Variants in RNF152 observed in about 807,000 individuals in gnomAD.
RNF152 encodes E3 ubiquitin-protein ligase RNF152.
In RNF152, 11 loss-of-function variants were observed where a neutral mutation model predicts 12.7. The observed-to-expected ratio is 0.86, with a 90% CI of 0.54 to 1.43. The LOEUF is 1.43. Among genes scored for constraint, RNF152 ranks in the 40% most tolerant of loss-of-function variants. The pLI is 0.00. For missense variants in RNF152, 255 were observed against 274.8 expected, an observed-to-expected ratio of 0.93 and a Z score of 0.51; for synonymous variants, 113 against 120.3, an observed-to-expected ratio of 0.94 and a Z score of 0.40.
chr18:61,824,053 A>G (rs1909543034), intron 1 of RNF152, among the ~76,000 whole-genome samples: 1 of 152,202 alleles, frequency 6.6e-6, no homozygotes, highest in Non-Finnish European at 1.5e-5. Context: ...TGACCCCTCC[A>G]TGGTTTGATG....
Position 61,808,182 on chromosome 18 carries a change from T to C in RNF152, c.*7670A>G, listed in dbSNP as rs1388588097. On this transcript the variant is annotated 3_prime_UTR_variant, in exon 2 of 2. Transcript: ENST00000312828. Reference sequence around the variant, plus strand: ...ACCAGTTTGGCATACAAAAATACCATATATTAAAATTGGGTTCATTGGAAA... The same window carrying C: ...ACCAGTTTGGCATACAAAAATACCACATATTAAAATTGGGTTCATTGGAAA... 1 of 151,902 alleles carries C rather than the reference T, an allele frequency of 6.6e-6. No homozygotes were observed. The highest frequency in any genetic ancestry group is 1.5e-5 in the Non-Finnish European group (1 of 67,978). 9.4% of individuals were successfully genotyped at this position (151,902 alleles called of 1,614,324 possible). A position where few individuals can be genotyped will look rare whatever the true frequency, so the allele number is the denominator to read the frequency against.
intron 1 of RNF152, among the ~76,000 whole-genome samples, chr18:61,847,837 T>C (rs1334435912): frequency 6.6e-6 from 1 of 152,076 alleles, no homozygotes; most frequent in Non-Finnish European, 1.5e-5. Context: ...GCTTGGAATC[T>C]CTGCTCTCAA....
intron 1 of RNF152, among the ~76,000 whole-genome samples, chr18:61,859,438 G>A (rs749900888): frequency 2.6e-5 from 4 of 152,192 alleles, no homozygotes; most frequent in Non-Finnish European, 5.9e-5. Context: ...TAAGGGTTCC[G>A]GAGAGTCAGG....
chr18:61,868,494 A>C (rs1911839504), intron 1 of RNF152, among the ~76,000 whole-genome samples: 1 of 152,052 alleles, frequency 6.6e-6, no homozygotes, highest in Non-Finnish European at 1.5e-5. Context: ...GGATTACCCA[A>C]GAGTTTGAGA....
At chr18:61,863,237 A>G (rs1463314446) in intron 1 of RNF152, among the ~76,000 whole-genome samples, 1 of 152,102 alleles carries the variant, frequency 6.6e-6, no homozygotes, top group African/African-American at 2.4e-5. Context: ...GATCAAGACC[A>G]TCCTGGCTAA....
chr18:61,876,420 G>C (rs1241985401), intron 1 of RNF152, among the ~76,000 whole-genome samples: 1 of 152,122 alleles, frequency 6.6e-6, no homozygotes, highest in Non-Finnish European at 1.5e-5. Flanking sequence ...AAGAGCATTA[G>C]CTGACAATGA....
rs905098600 is a variant in RNF152 at position 61,813,910 on chromosome 18, G to A, written c.*1942C>T. 1 of 152,176 alleles carries A rather than the reference G, an allele frequency of 6.6e-6. No homozygotes were observed. 9.4% of individuals were successfully genotyped at this position (152,176 alleles called of 1,614,324 possible). On this transcript the variant is annotated 3_prime_UTR_variant, in exon 2 of 2. Coordinates refer to ENST00000312828, the MANE Select transcript of RNF152 (RefSeq NM_173557.3). ...CAACAGTATATTATGTTATGTAATA[G>A]AGGATAGTATTCAGCTAATATGACA... is the stretch of plus-strand genomic sequence containing the variant.
At chr18:61,836,727 T>TA (rs140349016) in intron 1 of RNF152, among the ~76,000 whole-genome samples, 40,334 of 150,100 alleles carry the variant, frequency 0.27, 6,102 homozygotes, top group Non-Finnish European at 0.35. Context: ...ACACTGAATT[T>TA]AAAAAAAAAA....
intron 1 of RNF152, among the ~76,000 whole-genome samples, chr18:61,844,120 A>AAGAAAGAAAGAAAGAAAG (rs1910620430): frequency 7.2e-6 from 1 of 138,210 alleles, no homozygotes; most frequent in Non-Finnish European, 1.6e-5. Context: ...GAAAGAAAGA[A>AAGAAAGAAAGAAAGAAAG]AGAAAGAAAG....
intron 1 of RNF152, among the ~76,000 whole-genome samples, chr18:61,831,928 G>A (rs1723801541): frequency 6.6e-6 from 1 of 151,804 alleles, no homozygotes; most frequent in South Asian, 2.1e-4. Context: ...TGTGTGGGGG[G>A]GTGTGGGTGT....
In RNF152 at chr18:61,813,437, G is replaced by C. The variant is rs1272391642; in HGVS notation, c.*2415C>G. ...TCACAAAAAAAATCTGATTTTGGTT[G>C]TTGTTGTTAAATTTAAGGTCAAGAA... On this transcript the variant is annotated 3_prime_UTR_variant, in exon 2 of 2. Transcript: ENST00000312828. 1 of 152,124 alleles carries C rather than the reference G, an allele frequency of 6.6e-6. No individual in the cohort carries two copies. The highest frequency in any genetic ancestry group is 1.9e-4 in the East Asian group (1 of 5,184). The allele number at this position is 152,124 out of a possible 1,614,324, so 9.4% of individuals were successfully genotyped here. A position where few individuals can be genotyped will look rare whatever the true frequency, so the allele number is the denominator to read the frequency against.
intron 1 of RNF152, among the ~76,000 whole-genome samples, chr18:61,859,418 A>G (rs1048055851): frequency 3.9e-5 from 6 of 152,168 alleles, no homozygotes; most frequent in African/African-American, 9.7e-5. Flanking sequence ...CAGAGACATA[A>G]TTGCAAGGCT....
chr18:61,857,522 G>C (rs997014151), intron 1 of RNF152, among the ~76,000 whole-genome samples: 2 of 152,210 alleles, frequency 1.3e-5, no homozygotes, highest in East Asian at 3.9e-4. Context: ...ACAGCAACAG[G>C]CAAGAGAATG....
chr18:61,822,980 G>A (rs1352785960), intron 1 of RNF152, among the ~76,000 whole-genome samples: 1 of 152,194 alleles, frequency 6.6e-6, no homozygotes, highest in Non-Finnish European at 1.5e-5. Flanking sequence ...CAGCTGGCTT[G>A]CCAGCCACTT....
At chr18:61,876,331 G>C (rs192380247) in intron 1 of RNF152, among the ~76,000 whole-genome samples, 1 of 152,064 alleles carries the variant, frequency 6.6e-6, no homozygotes, top group East Asian at 1.9e-4. Context: ...GAGCATCTTG[G>C]TATAAAAATA....
chr18:61,809,069 G>A lies in RNF152; in HGVS notation c.*6783C>T, dbSNP rs1461769959. On this transcript the variant is annotated 3_prime_UTR_variant, in exon 2 of 2. Coordinates refer to ENST00000312828, the MANE Select transcript of RNF152 (RefSeq NM_173557.3). ...TGTCCTGTGCTTCTTTCTCCAGCTG[G>A]TTTCTGCCATATCTGGCCTTCAGCT... 1 of 152,246 alleles carries A rather than the reference G, an allele frequency of 6.6e-6. No homozygotes were observed. The highest frequency in any genetic ancestry group is 1.5e-5 in the Non-Finnish European group (1 of 68,124). 9.4% of individuals were successfully genotyped at this position (152,246 alleles called of 1,614,324 possible).
intron 1 of RNF152, among the ~76,000 whole-genome samples, chr18:61,829,863 G>C (rs1179233394): frequency 6.6e-6 from 1 of 152,126 alleles, no homozygotes; most frequent in Non-Finnish European, 1.5e-5. Flanking sequence ...CTTGTAGGCT[G>C]TGGGGCTTGT....
At chr18:61,861,572 C>T (rs1388948926) in intron 1 of RNF152, among the ~76,000 whole-genome samples, 1 of 152,150 alleles carries the variant, frequency 6.6e-6, no homozygotes, top group Non-Finnish European at 1.5e-5. Context: ...ACATGTTACG[C>T]TTAGTGTCTT....
At chr18:61,858,400 C>A (rs530927360) in intron 1 of RNF152, among the ~76,000 whole-genome samples, 1 of 152,106 alleles carries the variant, frequency 6.6e-6, no homozygotes, top group South Asian at 2.1e-4. Context: ...CCTGCCAGCC[C>A]TTCCCTCCCC....
Sources: gnomAD v4.1 joint callset for allele counts (sites outside exome capture counted in the v4.1 genomes callset) on GRCh38, gnomAD v4.1.1 for gene constraint, MANE v1.5 for transcripts, NCBI Gene and HGNC (gene_info 2026-07-23, HGNC 2026-07-21) for gene names.